DDX11: variants seen among roughly 807,000 people sequenced by gnomAD.
DDX11 encodes ATP-dependent DNA helicase DDX11.
DDX11 carries 72 observed loss-of-function variants against 125.2 expected under a neutral mutation model. The ratio of observed to expected loss-of-function variants is 0.58; its 90% CI spans 0.48 to 0.70. The LOEUF (loss-of-function observed/expected upper bound fraction) is 0.70, where lower values mean the gene tolerates loss of function less well. DDX11 is among the 30% of genes least tolerant of loss of function. The probability of loss-of-function intolerance (pLI) is 0.00; values close to 1 mark genes in which losing one functional copy is unlikely to be tolerated. For missense variants in DDX11, 883 were observed against 1,165.0 expected, an observed-to-expected ratio of 0.76 and a Z score of 3.52; for synonymous variants, 347 against 452.6, an observed-to-expected ratio of 0.77 and a Z score of 2.96.
intron 23 of DDX11, 21 bp from the exon 24 acceptor site, chr12:31,102,915 G>A (rs368706449): frequency 3.3e-5 from 53 of 1,613,370 alleles, no homozygotes; most frequent in South Asian, 7.7e-5. Context: ...CACCTGCTGG[G>A]CTCTTGTCTC....
At chr12:31,091,123 G>C (rs1178694667) in intron 9 of DDX11, 2 of 152,182 alleles carry the variant, frequency 1.3e-5, no homozygotes, top group Non-Finnish European at 2.9e-5. Context: ...GGGTGATGGA[G>C]CCATTCAGTT....
intron 5 of DDX11, among the ~76,000 whole-genome samples, chr12:31,086,514 G>C (rs946253263): frequency 6.6e-6 from 1 of 152,012 alleles, no homozygotes; most frequent in Non-Finnish European, 1.5e-5. Context: ...GTTGCTTTAT[G>C]CCTCGCTGGT....
intron 12 of DDX11, 44 bp downstream of exon 12, chr12:31,093,368 G>A (rs372854800): frequency 1.2e-4 from 188 of 1,611,894 alleles, no homozygotes; most frequent in Non-Finnish European, 1.6e-4. Flanking sequence ...TGCAAAACTC[G>A]CTGGGCTGCT....
At chr12:31,085,181 A>T in intron 5 of DDX11, 55 bp downstream of exon 5, 1 of 1,538,420 alleles carries the variant, frequency 6.5e-7, no homozygotes, top group South Asian at 1.2e-5. Context: ...ACCCTTGAAG[A>T]CAGCTCTTTC....
intron 18 of DDX11, among the ~76,000 whole-genome samples, chr12:31,099,345 CTGGGATTACA>C (rs1266402459): frequency 6.6e-6 from 1 of 151,968 alleles, no homozygotes; most frequent in Admixed American, 6.6e-5. Flanking sequence ...TCCCAAAGAG[CTGGGATTACA>C]GGCATGAGCC....
At chr12:31,080,942 A>G (rs1397331312) in intron 2 of DDX11, among the ~76,000 whole-genome samples, 1 of 152,148 alleles carries the variant, frequency 6.6e-6, no homozygotes, top group South Asian at 2.1e-4. Flanking sequence ...AGATCTCACT[A>G]TGCTGCTCAG....
intron 9 of DDX11, 67 bp from the exon 10 acceptor site, chr12:31,091,652 T>C: frequency 3.3e-6 from 5 of 1,523,910 alleles, no homozygotes; most frequent in Non-Finnish European, 4.5e-6. Context: ...AGGAGCTCAG[T>C]GTCAGGCAGG....
chr12:31,084,986 A>AG lies in DDX11; in HGVS notation c.498_499insG (p.Arg167GlufsTer19). On this transcript the variant is annotated frameshift_variant, in exon 5 of 27. Coordinates refer to ENST00000542838, the MANE Select transcript of DDX11 (RefSeq NM_030653.4). LOFTEE classifies it high-confidence loss of function. ...CTGTCCAGAGGCAGGAAGAAGAAGAAAGAGAGAATCTCCTCCGCCTCAGCA... is the reference window on the plus strand; with the variant it reads ...CTGTCCAGAGGCAGGAAGAAGAAGAAGAGAGAGAATCTCCTCCGCCTCAGCA... The AG allele has an allele frequency of 6.2e-7, 1 of 1,609,236 alleles. No individual in the cohort carries two copies. The highest frequency in any genetic ancestry group is 8.5e-7 in the Non-Finnish European group (1 of 1,177,584).
intron 2 of DDX11, among the ~76,000 whole-genome samples, chr12:31,079,033 G>A (rs1389233255): frequency 2.6e-5 from 4 of 152,150 alleles, no homozygotes; most frequent in African/African-American, 9.7e-5. Context: ...TTAGGCTGAA[G>A]TCATTGGTGC....
chr12:31,093,157 G>A, intron 11 of DDX11, 88 bp from the exon 12 acceptor site: 1 of 1,388,848 alleles, frequency 7.2e-7, no homozygotes. Flanking sequence ...CAGTTTGAGA[G>A]GCACCGGGCA....
chr12:31,074,983 C>G (rs1940498056), intron 1 of DDX11, among the ~76,000 whole-genome samples: 1 of 152,188 alleles, frequency 6.6e-6, no homozygotes, highest in Admixed American at 6.5e-5. Context: ...AGTCTGTACT[C>G]AGTAATGAGT....
At chr12:31,088,920 G>A in intron 6 of DDX11, 124 bp from the exon 7 acceptor site, 1 of 784,004 alleles carries the variant, frequency 1.3e-6, no homozygotes, top group Non-Finnish European at 2.2e-6. Flanking sequence ...TCCTGCCTCG[G>A]CTTTGTGCAT....
chr12:31,097,487 T>A (rs1592765382), intron 17 of DDX11, among the ~76,000 whole-genome samples: 1 of 150,206 alleles, frequency 6.7e-6, no homozygotes, highest in Non-Finnish European at 1.5e-5. Flanking sequence ...GAGACCATCC[T>A]GGCTAACACA....
At chr12:31,092,295 C>T (rs1430521496) in intron 10 of DDX11, among the ~76,000 whole-genome samples, 1 of 152,128 alleles carries the variant, frequency 6.6e-6, no homozygotes, top group Non-Finnish European at 1.5e-5. Context: ...CACCAGGTGT[C>T]TCTGGTCTTC....
In DDX11 at chr12:31,076,632, C is replaced by T. The variant is rs535539314; in HGVS notation, c.-4-1758C>T. Among the ~76,000 whole-genome samples, 3 of 152,234 alleles carry T rather than the reference C, an allele frequency of 2.0e-5. No homozygotes were observed. In the South Asian group the frequency reaches 6.2e-4, roughly 32 times the overall value. ...GTAGCTGTATCCTTATAGTGTTGTA[C>T]AGATTAAATGAGATAATAAAAGCAA... On this transcript the variant is annotated intron_variant, in intron 1 of 26. Transcript: ENST00000542838.
At chr12:31,090,160 T>G in intron 9 of DDX11, 66 bp downstream of exon 9, 1 of 1,457,122 alleles carries the variant, frequency 6.9e-7, no homozygotes, top group African/African-American at 1.4e-5. Flanking sequence ...ATGAGGGGGG[T>G]CCTCATCACA....
intron 23 of DDX11, 92 bp downstream of exon 23, chr12:31,102,619 T>C: frequency 8.2e-7 from 1 of 1,220,228 alleles, no homozygotes; most frequent in Non-Finnish European, 1.2e-6. Flanking sequence ...CTGCTGCCAT[T>C]AGAGCCCACA....
chr12:31,084,153 G>A, intron 3 of DDX11, 92 bp downstream of exon 3: 1 of 1,534,980 alleles, frequency 6.5e-7, no homozygotes, highest in Middle Eastern at 1.7e-4. Context: ...GGCAGTGCAT[G>A]CTCCCCTGCC....
At chr12:31,085,824 C>CTG (rs1943023052) in intron 5 of DDX11, among the ~76,000 whole-genome samples, 1 of 151,990 alleles carries the variant, frequency 6.6e-6, no homozygotes, top group Non-Finnish European at 1.5e-5. Flanking sequence ...AAACAAATAG[C>CTG]ACCTATGTGA....
Sources: allele counts gnomAD v4.1 joint callset (sites outside exome capture counted in the v4.1 genomes callset), GRCh38; gene constraint gnomAD v4.1.1; transcripts MANE v1.5; gene names NCBI Gene and HGNC (gene_info 2026-07-23, HGNC 2026-07-21).